The following PHKG2 variants were observed in gnomAD, a reference collection of about 807,000 sequenced individuals.
PHKG2 encodes the protein phosphorylase b kinase gamma catalytic chain, liver/testis isoform.
A neutral mutation model predicts 44.5 loss-of-function variants in PHKG2; 28 were observed. The ratio of observed to expected loss-of-function variants is 0.63; its 90% CI spans 0.47 to 0.86. PHKG2 has a LOEUF of 0.86. Among genes scored for constraint, PHKG2 ranks in the 40% least tolerant of loss-of-function variants. The pLI is 0.00. For synonymous variants in PHKG2, 220 were observed against 211.2 expected, an observed-to-expected ratio of 1.04 and a Z score of -0.36; for missense variants, 498 against 547.5, an observed-to-expected ratio of 0.91 and a Z score of 0.90.
In PHKG2 at chr16:30,758,763, C is replaced by T; in HGVS notation, c.*1666C>T. On this transcript the variant is annotated 3_prime_UTR_variant, in exon 10 of 10. Coordinates refer to ENST00000563588, the MANE Select transcript of PHKG2 (RefSeq NM_000294.3). Reference sequence around the variant, plus strand: ...AGATAGGGGGTTTCACGGTGTTGCCCAGGCTGGTCGCGAACTCCTGAGCTC... The same window carrying T: ...AGATAGGGGGTTTCACGGTGTTGCCTAGGCTGGTCGCGAACTCCTGAGCTC... 1 of 565,426 alleles carries T rather than the reference C, an allele frequency of 1.8e-6. No individual in the cohort carries two copies. The highest frequency in any genetic ancestry group is 3.1e-6 in the Non-Finnish European group (1 of 326,228). 35.0% of individuals were successfully genotyped at this position (565,426 alleles called of 1,614,324 possible).
rs1555469012 is a variant in PHKG2 at position 30,759,755 on chromosome 16, G to GC, written c.*2661dup. The GC allele has an allele frequency of 7.0e-6, 11 of 1,580,594 alleles. No individual in the cohort carries two copies. The highest frequency in any genetic ancestry group is 1.8e-5 in the Admixed American group (1 of 55,942). On this transcript the variant is annotated 3_prime_UTR_variant, in exon 10 of 10. Transcript: ENST00000563588. ...AGGGAAAGCAAGATGCAGCAGTGAG[G>GC]CCCTCTCTGGTATCCATTCATTCAC... is the stretch of plus-strand genomic sequence containing the variant.
intron 2 of PHKG2, 55 bp downstream of exon 2, chr16:30,748,970 C>G: frequency 8.2e-7 from 1 of 1,220,408 alleles, no homozygotes; most frequent in African/African-American, 1.6e-5. Flanking sequence ...CCAGCATTCC[C>G]GCTTCCGTTT....
intron 2 of PHKG2, among the ~76,000 whole-genome samples, chr16:30,750,639 T>C (rs1039792097): frequency 2.0e-5 from 3 of 152,168 alleles, no homozygotes; most frequent in Non-Finnish European, 4.4e-5. Flanking sequence ...AAATCTGGGG[T>C]CTGCACTAAG....
In PHKG2 at chr16:30,759,884, C is replaced by T. The variant is rs2053629525; in HGVS notation, c.*2787C>T. 6 of 1,447,612 alleles carry T rather than the reference C, an allele frequency of 4.1e-6. No individual in the cohort carries two copies. The South Asian group carries it at 8.9e-5, about 22-fold the overall frequency. 89.7% of individuals were successfully genotyped at this position (1,447,612 alleles called of 1,614,324 possible). A position where few individuals can be genotyped will look rare whatever the true frequency, so the allele number is the denominator to read the frequency against. ...TCATGTAACAAATACTGAATACCCA[C>T]TATATGCCCACTGTATGGTTTTCGG... On this transcript the variant is annotated 3_prime_UTR_variant, in exon 10 of 10. Coordinates refer to ENST00000563588, the MANE Select transcript of PHKG2 (RefSeq NM_000294.3).
At chr16:30,751,419 C>T (rs1370901095) in intron 3 of PHKG2, 130 bp from the exon 4 acceptor site, 1 of 1,261,666 alleles carries the variant, frequency 7.9e-7, no homozygotes. Flanking sequence ...CCGTTGGGCG[C>T]CCACTGCCTC....
chr16:30,750,269 G>C (rs541903863), intron 2 of PHKG2, among the ~76,000 whole-genome samples: 36 of 152,316 alleles, frequency 2.4e-4, no homozygotes, highest in African/African-American at 7.7e-4. Flanking sequence ...TGTTTGGCCT[G>C]TGGATCAATA....
In PHKG2 at chr16:30,760,429, T is replaced by G. The variant is rs766536164; in HGVS notation, c.*3332T>G. On this transcript the variant is annotated 3_prime_UTR_variant, in exon 10 of 10. Transcript: ENST00000563588. ...CCCTCAGGCTCTGCTCAGGACACCCTAGCTCCAGCAGCTCAGCCAGCACCC... is the reference window on the plus strand; with the variant it reads ...CCCTCAGGCTCTGCTCAGGACACCCGAGCTCCAGCAGCTCAGCCAGCACCC... The G allele has an allele frequency of 5.0e-6, 8 of 1,614,002 alleles. No individual in the cohort carries two copies. The highest frequency in any genetic ancestry group is 5.9e-6 in the Non-Finnish European group (7 of 1,180,002).
At position 30,759,540 on chromosome 16, in the gene PHKG2, A is replaced by C. The variant is rs1050292514; in HGVS notation, c.*2443A>C. The C allele has an allele frequency of 2.5e-6, 4 of 1,614,178 alleles. No homozygotes were observed. Among genetic ancestry groups the C allele is most frequent in the Non-Finnish European group, 3.4e-6 (4 of 1,180,028 alleles). ...CTCCAAAAGCCCAGCAACAGGAGCA[A>C]GGAGAGCCCACTGGGGTCTTCACAA... On this transcript the variant is annotated 3_prime_UTR_variant, in exon 10 of 10. Transcript: ENST00000563588.
chr16:30,751,268 C>T lies in PHKG2; in HGVS notation c.258C>T (p.Gly86=). The T allele has an allele frequency of 6.2e-7, 1 of 1,609,992 alleles. No individual in the cohort carries two copies. The highest frequency in any genetic ancestry group is 1.7e-5 in the Admixed American group (1 of 60,024). ...CACACATCCTTCGCCAGGTCGCCGG[C>T]CACCCCCACATCAGTGAGGCTGTCT... The part of the protein sequence containing the change: ...RETHILRQVA[G]HPHIITLIDS... Residue 86 remains glycine, a synonymous_variant, in exon 3 of 10, where the codon GGC becomes GGT. Transcript: ENST00000563588.
chr16:30,755,798 T>C (rs2053414619), intron 6 of PHKG2, among the ~76,000 whole-genome samples: 1 of 152,184 alleles, frequency 6.6e-6, no homozygotes, highest in Non-Finnish European at 1.5e-5. Context: ...TTTTTTTGCG[T>C]ATGTATTATG....
rs1038743937 is a variant in PHKG2, at chr16:30,757,958, A to C, written c.*861A>C. 2.9e-5 allele frequency: 14 copies of C among 478,208 alleles called. No individual in the cohort carries two copies. The highest frequency in any genetic ancestry group is 2.0e-4 in the African/African-American group (10 of 49,514). The allele number at this position is 478,208 out of a possible 1,614,324, so 29.6% of individuals were successfully genotyped here. On this transcript the variant is annotated 3_prime_UTR_variant, in exon 10 of 10. Transcript: ENST00000563588. The stretch of plus-strand genomic sequence containing the variant: ...TGAAATGTGGATAGTGATACCTAGC[A>C]CATAGGATTGAGGGAGGATTAAATG...
chr16:30,757,386 G>A lies in PHKG2; in HGVS notation c.*289G>A, dbSNP rs2053452314. Reference sequence around the variant, plus strand: ...GAGAACAGGTGTCCTGTGTCTGTCTGGCTTGGGCAGGAAAGCCCAGAAGGT... The same window carrying A: ...GAGAACAGGTGTCCTGTGTCTGTCTAGCTTGGGCAGGAAAGCCCAGAAGGT... On this transcript the variant is annotated 3_prime_UTR_variant, in exon 10 of 10. Coordinates refer to ENST00000563588, the MANE Select transcript of PHKG2 (RefSeq NM_000294.3). The A allele has an allele frequency of 1.3e-6, 2 of 1,545,576 alleles. No homozygotes were observed. The highest frequency in any genetic ancestry group is 1.7e-6 in the Non-Finnish European group (2 of 1,146,410).
At chr16:30,751,787 G>A in intron 4 of PHKG2, 184 bp downstream of exon 4, 2 of 724,388 alleles carry the variant, frequency 2.8e-6, no homozygotes, top group South Asian at 2.9e-5. Context: ...CCATGATTGA[G>A]GCAAATTCTT....
rs1196585914 is a variant in PHKG2, at chr16:30,756,889, G to A, written c.1013G>A (p.Arg338Lys). ...CCACTGACCAAGAATGCACTGTTGA[G>A]GGACCCTTATGCGCTGCGGTCAGTG... Reference protein sequence around the residue: ...VRPLTKNALLRDPYALRSVRH... With the variant: ...VRPLTKNALLKDPYALRSVRH... Residue 338 changes from arginine (R) to lysine (K), a missense_variant, in exon 10 of 10, where the codon AGG (arginine) becomes AAG (lysine). Transcript: ENST00000563588. The A allele has an allele frequency of 6.2e-7, 1 of 1,614,150 alleles. No homozygotes were observed.
chr16:30,748,777 C>G (rs1008081190), intron 1 of PHKG2, 26 bp from the exon 2 acceptor site: 1 of 1,449,826 alleles, frequency 6.9e-7, no homozygotes, highest in Admixed American at 2.0e-5. Context: ...GCCTCCCTGC[C>G]CTCACTGCCC....
rs1160724733 is a variant in PHKG2 at position 30,753,271 on chromosome 16, G to A, written c.366G>A (p.Lys122=). Residue 122 remains lysine, a synonymous_variant, in exon 5 of 10, where the codon AAG becomes AAA. Transcript: ENST00000563588. ...AGCTGTTTGACTATCTCACAGAGAA[G>A]GTGGCCCTCTCTGAAAAGGAAACCA... ...KGELFDYLTE[K]VALSEKETRS... is the part of the protein sequence containing the mutation. 5 of 1,614,130 alleles carry A rather than the reference G, an allele frequency of 3.1e-6. No individual in the cohort carries two copies. The highest frequency in any genetic ancestry group is 4.2e-6 in the Non-Finnish European group (5 of 1,180,002).
In PHKG2 at chr16:30,757,412, G is replaced by A. The variant is rs2053452865; in HGVS notation, c.*315G>A. The A allele has an allele frequency of 3.2e-6, 5 of 1,564,090 alleles. No homozygotes were observed. The highest frequency in any genetic ancestry group is 3.5e-6 in the Non-Finnish European group (4 of 1,153,552). On this transcript the variant is annotated 3_prime_UTR_variant, in exon 10 of 10. Transcript: ENST00000563588. The stretch of plus-strand genomic sequence containing the variant: ...GCTTGGGCAGGAAAGCCCAGAAGGT[G>A]CTCAGCAGGGTGCAGGGATGGTGCC...
intron 2 of PHKG2, 130 bp downstream of exon 2, chr16:30,749,045 G>GCT: frequency 4.4e-6 from 1 of 226,270 alleles, no homozygotes. Context: ...TGGTGGTGGT[G>GCT]GTGGTGGTGG....
chr16:30,756,786 C>T lies in PHKG2; in HGVS notation c.928-18C>T, dbSNP rs775222321. 1.5e-5 allele frequency: 24 copies of T among 1,614,148 alleles called. No individual in the cohort carries two copies. Among genetic ancestry groups the T allele is most frequent in the Non-Finnish European group, 1.9e-5 (23 of 1,180,040 alleles). On this transcript the variant is annotated intron_variant, in intron 9 of 9. Coordinates refer to ENST00000563588, the MANE Select transcript of PHKG2 (RefSeq NM_000294.3). ...GATCTTTCCCCTGCACTAGAGCTCACCCTGCCCCCCTTCCCAGGTGGCAGT... is the reference window on the plus strand; with the variant it reads ...GATCTTTCCCCTGCACTAGAGCTCATCCTGCCCCCCTTCCCAGGTGGCAGT...
Sources: allele counts gnomAD v4.1 joint callset (sites outside exome capture counted in the v4.1 genomes callset), GRCh38; gene constraint gnomAD v4.1.1; transcripts MANE v1.5; gene names NCBI Gene and HGNC (gene_info 2026-07-23, HGNC 2026-07-21).